ADAMTS6: variants seen among roughly 807,000 people sequenced by gnomAD.
ADAMTS6 encodes ADAM metallopeptidase with thrombospondin type 1 motif 6.
A neutral mutation model predicts 144.3 loss-of-function variants in ADAMTS6; 23 were observed. That is an observed-to-expected ratio of 0.16 (90% CI 0.11 to 0.23). The LOEUF is 0.23. ADAMTS6 is among the 10% of genes least tolerant of loss of function. The probability of loss-of-function intolerance (pLI) is 1.00; values close to 1 mark genes in which losing one functional copy is unlikely to be tolerated. For missense variants in ADAMTS6, 999 were observed against 1,379.6 expected (o/e 0.72, Z 4.37); for synonymous variants, 444 against 457.5 (o/e 0.97, Z 0.38).
chr5:65,224,021 C>T (rs1351226442), intron 18 of ADAMTS6, among the ~76,000 whole-genome samples: 1 of 151,960 alleles, frequency 6.6e-6, no homozygotes, highest in Non-Finnish European at 1.5e-5. Flanking sequence ...AAGATGGTCT[C>T]GATCTCCTGA....
intron 22 of ADAMTS6, among the ~76,000 whole-genome samples, chr5:65,174,572 A>G (rs1383791271): frequency 6.6e-6 from 1 of 152,178 alleles, no homozygotes; most frequent in African/African-American, 2.4e-5. Flanking sequence ...TGGTAAGACT[A>G]GTCTTTGGAA....
intron 7 of ADAMTS6, among the ~76,000 whole-genome samples, chr5:65,386,896 C>T (rs984799972): frequency 2.0e-5 from 3 of 152,134 alleles, no homozygotes; most frequent in African/African-American, 4.8e-5. Flanking sequence ...CAAGTATTAA[C>T]TTCTTTAATC....
intron 3 of ADAMTS6, among the ~76,000 whole-genome samples, chr5:65,464,148 G>C (rs955488190): frequency 6.6e-6 from 1 of 152,156 alleles, no homozygotes; most frequent in African/African-American, 2.4e-5. Flanking sequence ...TACATCACAG[G>C]TTCTTAAAAT....
In ADAMTS6 at chr5:65,172,988, T is replaced by G. The variant is rs1753728848; in HGVS notation, c.2931A>C (p.Pro977=). 7.4e-6 allele frequency: 12 copies of G among 1,613,892 alleles called. No individual in the cohort carries two copies. The highest frequency in any genetic ancestry group is 9.3e-6 in the Non-Finnish European group (11 of 1,179,968). Residue 977 remains proline (P), a synonymous_variant, in exon 23 of 25, where the codon CCA becomes CCC. Coordinates refer to ENST00000381055, the MANE Select transcript of ADAMTS6 (RefSeq NM_197941.4). The stretch of plus-strand genomic sequence containing the variant: ...ACAGAACAATCCGATGCTTGAATCC[T>G]GGACCACATTTTGGAGTACACTGGA... ...DWSECTPKCG[P]GFKHRIVLCK... is the part of the protein sequence containing the mutation.
chr5:65,443,841 T>A (rs1580722073), intron 7 of ADAMTS6, among the ~76,000 whole-genome samples: 1 of 150,054 alleles, frequency 6.7e-6, no homozygotes, highest in South Asian at 2.1e-4. Flanking sequence ...ACAAAGCGCA[T>A]CAACAAAGAA....
chr5:65,216,672 CTTT>C (rs922624379), intron 18 of ADAMTS6, among the ~76,000 whole-genome samples: 3 of 151,686 alleles, frequency 2.0e-5, no homozygotes, highest in African/African-American at 7.3e-5. Context: ...TATAAAAGAA[CTTT>C]TTTTCTCATA....
chr5:65,352,939 C>G (rs1197864742), intron 7 of ADAMTS6, among the ~76,000 whole-genome samples: 1 of 151,984 alleles, frequency 6.6e-6, no homozygotes, highest in African/African-American at 2.4e-5. Flanking sequence ...ATATGAGACC[C>G]TCCAGCACTA....
intron 11 of ADAMTS6, among the ~76,000 whole-genome samples, chr5:65,275,444 GAA>G (rs1329307719): frequency 5.3e-5 from 8 of 150,220 alleles, no homozygotes; most frequent in South Asian, 2.1e-4. Flanking sequence ...AAAGAAAAAA[GAA>G]AGAGAAAGAA....
chr5:65,380,728 TG>T (rs573829346), intron 7 of ADAMTS6, among the ~76,000 whole-genome samples: 126 of 152,366 alleles, frequency 8.3e-4, no homozygotes, highest in African/African-American at 3.0e-3. Flanking sequence ...ATTTTTTGTG[TG>T]TATTAAATTA....
chr5:65,156,744 C>A (rs1752444773), intron 24 of ADAMTS6, among the ~76,000 whole-genome samples: 1 of 152,220 alleles, frequency 6.6e-6, no homozygotes. Flanking sequence ...GTAGTGGAAT[C>A]TAAGCCAGTG....
intron 12 of ADAMTS6, among the ~76,000 whole-genome samples, chr5:65,268,655 C>T (rs1761819423): frequency 6.6e-6 from 1 of 152,152 alleles, no homozygotes; most frequent in South Asian, 2.1e-4. Flanking sequence ...CTTATTCAGG[C>T]GAACATCCAA....
At chr5:65,399,403 G>C (rs915460431) in intron 7 of ADAMTS6, among the ~76,000 whole-genome samples, 1 of 152,090 alleles carries the variant, frequency 6.6e-6, no homozygotes, top group African/African-American at 2.4e-5. Flanking sequence ...AATATCTACC[G>C]AATTTGTTGC....
At chr5:65,195,420 G>A (rs544648980) in intron 21 of ADAMTS6, among the ~76,000 whole-genome samples, 22 of 152,254 alleles carry the variant, frequency 1.4e-4, no homozygotes, top group African/African-American at 5.1e-4. Context: ...AAAAGTCTTA[G>A]AACAAAAACT....
chr5:65,215,288 A>G, intron 19 of ADAMTS6, 36 bp downstream of exon 19: 2 of 1,602,894 alleles, frequency 1.2e-6, no homozygotes, highest in Non-Finnish European at 1.7e-6. Context: ...GGGGGAATTA[A>G]AAACAGAAGA....
chr5:65,340,235 GA>G lies in ADAMTS6; in HGVS notation c.1074-6151del, dbSNP rs540402127. ...AGAAGGTGTATTTAAAGCACTGAAA[GA>G]AAAAAAAAATATGCCACCAAAGAAT... On this transcript the variant is annotated intron_variant, in intron 7 of 24. Coordinates refer to ENST00000381055, the MANE Select transcript of ADAMTS6 (RefSeq NM_197941.4). 1.6e-4 allele frequency among the ~76,000 whole-genome samples: 23 copies of G among 147,110 alleles called. 1 individual carries two copies. The highest frequency in any genetic ancestry group is 4.0e-4 in the African/African-American group (16 of 40,198).
chr5:65,341,018 C>G (rs56398448), intron 7 of ADAMTS6, among the ~76,000 whole-genome samples: 17,232 of 151,832 alleles, frequency 0.11, 1,054 homozygotes, highest in African/African-American at 0.15. Flanking sequence ...ATCATCTAGA[C>G]AGAAAATCAA....
Position 65,324,287 on chromosome 5 carries a change from A to G in ADAMTS6, c.1223+5091T>C, listed in dbSNP as rs138828314. 8.5e-3 allele frequency among the ~76,000 whole-genome samples: 1,287 copies of G among 152,276 alleles called. 17 individuals carry two copies. The highest frequency in any genetic ancestry group is 0.029 in the African/African-American group (1,202 of 41,540). On this transcript the variant is annotated intron_variant, in intron 9 of 24. Transcript: ENST00000381055. ...CAACCTATACCTCCTACTATACATA[A>G]AAATTAAAATGGAGCATAGATCTAA...
intron 14 of ADAMTS6, among the ~76,000 whole-genome samples, chr5:65,249,264 G>C (rs1281188372): frequency 6.6e-6 from 1 of 152,110 alleles, no homozygotes; most frequent in Non-Finnish European, 1.5e-5. Context: ...AACTTCCTGG[G>C]CATGCACATT....
chr5:65,405,361 T>C (rs1037151999), intron 7 of ADAMTS6, among the ~76,000 whole-genome samples: 4 of 152,232 alleles, frequency 2.6e-5, no homozygotes, highest in African/African-American at 7.2e-5. Context: ...GCTTTCTACA[T>C]ATGGCTAGCC....
Sources: allele counts gnomAD v4.1 joint callset (sites outside exome capture counted in the v4.1 genomes callset), GRCh38; gene constraint gnomAD v4.1.1; transcripts MANE v1.5; gene names NCBI Gene and HGNC (gene_info 2026-07-23, HGNC 2026-07-21).